The following POU6F2 variants were observed in gnomAD, a reference collection of about 807,000 sequenced individuals.
POU6F2 encodes the protein POU domain, class 6, transcription factor 2.
POU6F2 carries 31 observed loss-of-function variants against 71.3 expected under a neutral mutation model. That is an observed-to-expected ratio of 0.43 (90% confidence interval 0.33 to 0.59). POU6F2 has a LOEUF of 0.59. Ranked by LOEUF, POU6F2 falls within the 20% of genes least tolerant of loss-of-function variation. POU6F2 has a pLI of 0.04. For synonymous variants in POU6F2, 347 were observed against 355.7 expected (o/e 0.98, Z 0.27); for missense variants, 783 against 856.8 (o/e 0.91, Z 1.07).
chr7:39,206,616 CATATT>C lies in POU6F2; in HGVS notation c.370-772_370-768del, dbSNP rs568117421. On this transcript the variant is annotated intron_variant, in intron 3 of 9. Transcript: ENST00000518318. ...TCCAGCTTACTTTCTATTTTATTCT[CATATT>C]ATAAACATTTTCTATTTTTCTAAAG... Among the ~76,000 whole-genome samples, 104 of 152,292 alleles carry C rather than the reference CATATT, an allele frequency of 6.8e-4. 2 individuals are homozygous for C. The South Asian group carries it at 0.021, about 31-fold the overall frequency.
At chr7:39,205,794 G>GGGCT (rs1358570529) in intron 3 of POU6F2, among the ~76,000 whole-genome samples, 1 of 152,156 alleles carries the variant, frequency 6.6e-6, no homozygotes, top group African/African-American at 2.4e-5. Flanking sequence ...CAGAATCCTA[G>GGGCT]GGCTCTGCAG....
intron 4 of POU6F2, among the ~76,000 whole-genome samples, chr7:39,333,016 G>A (rs1013570724): frequency 6.6e-6 from 1 of 152,054 alleles, no homozygotes; most frequent in African/African-American, 2.4e-5. Flanking sequence ...TCTGCAGGTG[G>A]AAATAGTGGG....
rs757853402 is a variant in POU6F2, at chr7:39,433,231, C to A, written c.1268C>A (p.Pro423His). 6.2e-7 allele frequency: 1 copy of A among 1,613,862 alleles called. No homozygotes were observed. Among genetic ancestry groups the A allele is most frequent in the Admixed American group, 1.7e-5 (1 of 60,008 alleles). Residue 423 changes from proline (P) to histidine (H), a missense_variant, in exon 7 of 10, where the codon CCC becomes CAC. Physicochemically the swap from Pro to His is moderately conservative, Grantham distance 77 (BLOSUM62 -2). This residue lies in a region of POU6F2 where 572 missense variants were observed against 572.9 expected (regional missense o/e 1.00). Coordinates refer to ENST00000518318, the MANE Select transcript of POU6F2 (RefSeq NM_001370959.1). ...ACAGTCATTGGGAACCAGATCCTGC[C>A]CGTGATCAACACCCAGGGCATCACG... ...IATVIGNQIL[P>H]VINTQGITLS...
intron 1 of POU6F2, among the ~76,000 whole-genome samples, chr7:39,035,063 A>G (rs1790028066): frequency 6.6e-6 from 1 of 151,722 alleles, no homozygotes; most frequent in Admixed American, 6.6e-5. Flanking sequence ...AGACACACAC[A>G]TATGTATTAT....
intron 4 of POU6F2, among the ~76,000 whole-genome samples, chr7:39,279,526 T>G (rs1217950736): frequency 2.6e-5 from 4 of 152,174 alleles, no homozygotes; most frequent in African/African-American, 9.7e-5. Flanking sequence ...AGAAATTCAT[T>G]GTCTCACAGT....
At chr7:39,207,139 G>C (rs1346225767) in intron 3 of POU6F2, among the ~76,000 whole-genome samples, 2 of 152,144 alleles carry the variant, frequency 1.3e-5, no homozygotes, top group Admixed American at 6.5e-5. Flanking sequence ...GCATATAAAC[G>C]TAAGTTATTA....
chr7:39,180,580 GC>G (rs768207611), intron 2 of POU6F2, among the ~76,000 whole-genome samples: 51 of 152,208 alleles, frequency 3.4e-4, no homozygotes, highest in South Asian at 4.2e-4. Flanking sequence ...GGAAACTCCA[GC>G]CTCGTGTCTC....
intron 1 of POU6F2, among the ~76,000 whole-genome samples, chr7:38,980,591 T>C (rs1788292684): frequency 6.6e-6 from 1 of 152,230 alleles, no homozygotes; most frequent in African/African-American, 2.4e-5. Context: ...TTTTTAGCTC[T>C]TGTCTTAAAT....
At chr7:39,171,016 CTTTTTTTTTTT>C (rs760022218) in intron 2 of POU6F2, among the ~76,000 whole-genome samples, 1 of 94,556 alleles carries the variant, frequency 1.1e-5, no homozygotes, top group African/African-American at 4.1e-5. Flanking sequence ...TCACATATAT[CTTTTTTTTTTT>C]TTTTTTTTTT....
At chr7:39,279,796 GA>G (rs1349485935) in intron 4 of POU6F2, among the ~76,000 whole-genome samples, 1 of 152,036 alleles carries the variant, frequency 6.6e-6, no homozygotes, top group African/African-American at 2.4e-5. Flanking sequence ...GCCTGGGCTG[GA>G]ATACAGTAGA....
intron 4 of POU6F2, among the ~76,000 whole-genome samples, chr7:39,319,401 C>T (rs773794972): frequency 3.3e-5 from 5 of 149,476 alleles, no homozygotes; most frequent in Non-Finnish European, 7.4e-5. Context: ...TTACAGATAA[C>T]TCTTTCTGGG....
At chr7:39,062,827 G>A (rs935458262) in intron 1 of POU6F2, among the ~76,000 whole-genome samples, 3 of 150,478 alleles carry the variant, frequency 2.0e-5, no homozygotes, top group African/African-American at 7.4e-5. Context: ...CGAGGAAGGA[G>A]GATCGCTTGA....
chr7:39,368,088 G>A (rs372618832), intron 5 of POU6F2, among the ~76,000 whole-genome samples: 12 of 152,118 alleles, frequency 7.9e-5, no homozygotes, highest in East Asian at 3.8e-4. Context: ...AAGTTTAAGT[G>A]AAAGGAAGAG....
chr7:39,427,585 T>C (rs1437584411), intron 6 of POU6F2, among the ~76,000 whole-genome samples: 1 of 152,152 alleles, frequency 6.6e-6, no homozygotes, highest in East Asian at 1.9e-4. Context: ...CTAAAGTTGA[T>C]ACCAAACAGT....
intron 2 of POU6F2, among the ~76,000 whole-genome samples, chr7:39,187,756 T>A (rs1296777790): frequency 6.6e-6 from 1 of 152,304 alleles, no homozygotes; most frequent in East Asian, 1.9e-4. Flanking sequence ...AATGCCGAGT[T>A]TTTTTGGACC....
chr7:39,033,654 G>A (rs939458296), intron 1 of POU6F2, among the ~76,000 whole-genome samples: 1 of 152,128 alleles, frequency 6.6e-6, no homozygotes, highest in Non-Finnish European at 1.5e-5. Flanking sequence ...CACCTTTCAT[G>A]AGAATGTGCC....
At chr7:39,435,162 CG>C (rs1177517823) in intron 7 of POU6F2, among the ~76,000 whole-genome samples, 1 of 152,066 alleles carries the variant, frequency 6.6e-6, no homozygotes, top group Admixed American at 6.5e-5. Context: ...AATGGGATTG[CG>C]GGGTCAAATG....
At chr7:39,325,551 C>T (rs1290490393) in intron 4 of POU6F2, among the ~76,000 whole-genome samples, 1 of 152,210 alleles carries the variant, frequency 6.6e-6, no homozygotes, top group East Asian at 1.9e-4. Context: ...CCAGCTTCCA[C>T]AGCCTTCTAA....
chr7:39,381,731 A>G (rs773257844), intron 5 of POU6F2, among the ~76,000 whole-genome samples: 2 of 152,164 alleles, frequency 1.3e-5, no homozygotes, highest in Non-Finnish European at 2.9e-5. Context: ...GCATGATTGC[A>G]GGGGACAATG....
Sources: gnomAD v4.1 joint callset for allele counts (sites outside exome capture counted in the v4.1 genomes callset) on GRCh38, gnomAD v4.1.1 for gene constraint, gnomAD v4.1.1 regional missense constraint, MANE v1.5 for transcripts, NCBI Gene and HGNC (gene_info 2026-07-23, HGNC 2026-07-21) for gene names.